The following PAK2 variants were observed in gnomAD, a reference collection of about 807,000 sequenced individuals.
The protein encoded by PAK2 is p21 (RAC1) activated kinase 2, also known as serine/threonine-protein kinase PAK 2.
A neutral mutation model predicts 65.9 loss-of-function variants in PAK2; 21 were observed. The observed-to-expected ratio is 0.32, with a 90% CI of 0.23 to 0.46. PAK2 has a LOEUF of 0.46. Among genes scored for constraint, PAK2 ranks in the 20% least tolerant of loss-of-function variants. The pLI, the probability that PAK2 is intolerant of heterozygous loss-of-function variation, is 1.00. For synonymous variants in PAK2, 204 were observed against 219.7 expected, an observed-to-expected ratio of 0.93 and a Z score of 0.63; for missense variants, 324 against 642.6, an observed-to-expected ratio of 0.50 and a Z score of 5.36.
chr3:196,810,506 GAGTTCATTAAA>G, intron 7 of PAK2, 73 bp from the exon 8 acceptor site: 1 of 766,582 alleles, frequency 1.3e-6, no homozygotes, highest in South Asian at 1.5e-5. Flanking sequence ...AAAAACAGTG[GAGTTCATTAAA>G]AGGAATAATA....
intron 1 of PAK2, among the ~76,000 whole-genome samples, chr3:196,750,661 G>A (rs184718446): frequency 1.1e-4 from 16 of 149,450 alleles, no homozygotes; most frequent in Middle Eastern, 3.6e-3. Flanking sequence ...TTAAAATTGC[G>A]TGTAGTTTAT....
intron 13 of PAK2, among the ~76,000 whole-genome samples, chr3:196,825,617 T>C (rs1321048141): frequency 6.6e-6 from 1 of 152,120 alleles, no homozygotes; most frequent in Non-Finnish European, 1.5e-5. Context: ...CATTCCAGCC[T>C]GGGCCACAGA....
At chr3:196,748,572 T>C (rs1055653952) in intron 1 of PAK2, among the ~76,000 whole-genome samples, 1 of 150,570 alleles carries the variant, frequency 6.6e-6, no homozygotes, top group Admixed American at 6.6e-5. Flanking sequence ...GTAGTTGGAA[T>C]TATATAGCGT....
intron 13 of PAK2, among the ~76,000 whole-genome samples, chr3:196,822,446 T>C (rs1458983136): frequency 1.3e-5 from 2 of 152,196 alleles, no homozygotes; most frequent in Non-Finnish European, 2.9e-5. Flanking sequence ...CCCAGCATTT[T>C]GGGAGGCCAA....
At chr3:196,743,818 G>C (rs939478081) in intron 1 of PAK2, among the ~76,000 whole-genome samples, 2 of 152,104 alleles carry the variant, frequency 1.3e-5, no homozygotes, top group Admixed American at 1.3e-4. Context: ...GGAGGCAGAG[G>C]CTGCAGTGAG....
intron 1 of PAK2, among the ~76,000 whole-genome samples, chr3:196,767,166 C>A (rs1260877604): frequency 3.3e-5 from 5 of 151,936 alleles, no homozygotes; most frequent in East Asian, 1.9e-4. Context: ...TGAGCCATTC[C>A]CCTATTTATG....
chr3:196,789,023 CAG>C lies in PAK2; in HGVS notation c.187+6191_187+6192del, dbSNP rs758612127. Among the ~76,000 whole-genome samples, 61 of 152,114 alleles carry C rather than the reference CAG, an allele frequency of 4.0e-4. 1 individual carries two copies. Among genetic ancestry groups the C allele is most frequent in the Non-Finnish European group, 5.6e-4 (38 of 68,016 alleles). On this transcript the variant is annotated intron_variant, in intron 2 of 14. Coordinates refer to ENST00000327134, the MANE Select transcript of PAK2 (RefSeq NM_002577.4). The stretch of plus-strand genomic sequence containing the variant: ...TGGGGAACCATTACAGATTTTTAAT[CAG>C]GGGAAAGACCTGGCCATCTCTCTGT...
At chr3:196,806,454 G>T in intron 5 of PAK2, 125 bp from the exon 6 acceptor site, 1 of 619,810 alleles carries the variant, frequency 1.6e-6, no homozygotes. Context: ...AAGAGCTAAT[G>T]AGATTTAGTG....
In PAK2 at chr3:196,775,986, C is replaced by T. The variant is rs559717294; in HGVS notation, c.-21-6640C>T. ...ATAAATATGAGTCTTCTGCCACCTC[C>T]GTAAAACATCAAAGCATTTGGGGTA... On this transcript the variant is annotated intron_variant, in intron 1 of 14. Transcript: ENST00000327134. 7.2e-5 allele frequency among the ~76,000 whole-genome samples: 11 copies of T among 152,248 alleles called. No individual in the cohort carries two copies. The South Asian group carries it at 2.1e-3, about 29-fold the overall frequency.
chr3:196,759,561 C>CCAG (rs1386175768), intron 1 of PAK2, among the ~76,000 whole-genome samples: 6 of 122,966 alleles, frequency 4.9e-5, no homozygotes, highest in Non-Finnish European at 9.6e-5. Context: ...GCTCTGTCAC[C>CCAG]CAGGCTGGAG....
chr3:196,753,168 A>G (rs920189109), intron 1 of PAK2, among the ~76,000 whole-genome samples: 6 of 151,764 alleles, frequency 4.0e-5, no homozygotes, highest in Admixed American at 3.3e-4. Context: ...CATGTGGGCC[A>G]GGATGGTCTC....
intron 7 of PAK2, among the ~76,000 whole-genome samples, chr3:196,809,655 A>T (rs961976539): frequency 2.1e-5 from 3 of 142,614 alleles, no homozygotes; most frequent in African/African-American, 8.0e-5. Flanking sequence ...CTGCTACTTA[A>T]AAAAAAAAAA....
At chr3:196,770,493 G>A (rs1714326281) in intron 1 of PAK2, among the ~76,000 whole-genome samples, 1 of 151,812 alleles carries the variant, frequency 6.6e-6, no homozygotes, top group South Asian at 2.1e-4. Flanking sequence ...CCTGTGAGTA[G>A]CCACTGTGCT....
chr3:196,767,638 G>A (rs992547268), intron 1 of PAK2, among the ~76,000 whole-genome samples: 1 of 151,806 alleles, frequency 6.6e-6, no homozygotes, highest in Non-Finnish European at 1.5e-5. Flanking sequence ...ACAGGTGACC[G>A]CCACCACGCC....
At chr3:196,811,531 G>C (rs1298346211) in intron 8 of PAK2, among the ~76,000 whole-genome samples, 1 of 149,700 alleles carries the variant, frequency 6.7e-6, no homozygotes, top group African/African-American at 2.5e-5. Flanking sequence ...ACAGGTGTGA[G>C]CCACTGCACC....
At chr3:196,753,976 G>T (rs186994514) in intron 1 of PAK2, among the ~76,000 whole-genome samples, 1 of 152,034 alleles carries the variant, frequency 6.6e-6, no homozygotes, top group Non-Finnish European at 1.5e-5. Flanking sequence ...TATTAGGTTG[G>T]CTCACCATTT....
At position 196,789,285 on chromosome 3, in the gene PAK2, T is replaced by A. The variant is rs369682291; in HGVS notation, c.187+6452T>A. Among the ~76,000 whole-genome samples, 9 of 152,266 alleles carry A rather than the reference T, an allele frequency of 5.9e-5. No homozygotes were observed. In the East Asian group the frequency reaches 9.6e-4, roughly 16 times the overall value. ...TTTATTAACTAAAGCAATTTTCACA[T>A]CTAGCTATTCAACCTATAAGCACCT... On this transcript the variant is annotated intron_variant, in intron 2 of 14. Transcript: ENST00000327134.
intron 10 of PAK2, 122 bp from the exon 11 acceptor site, chr3:196,814,329 C>T (rs1715923698): frequency 3.3e-6 from 2 of 602,098 alleles, no homozygotes; most frequent in Admixed American, 3.0e-5. Context: ...TTCTTCCTAA[C>T]TCTCAAGCTA....
At chr3:196,772,521 A>G (rs187584945) in intron 1 of PAK2, among the ~76,000 whole-genome samples, 499 of 152,174 alleles carry the variant, frequency 3.3e-3, no homozygotes, top group African/African-American at 0.012. Context: ...CTTCTTTTTT[A>G]CCAGCCTCCA....
Sources: allele counts gnomAD v4.1 joint callset (sites outside exome capture counted in the v4.1 genomes callset), GRCh38; gene constraint gnomAD v4.1.1; transcripts MANE v1.5; gene names NCBI Gene and HGNC (gene_info 2026-07-23, HGNC 2026-07-21).